The following LRMDA variants were observed in gnomAD, a reference collection of about 807,000 sequenced individuals.
LRMDA encodes leucine-rich melanocyte differentiation-associated protein.
A neutral mutation model predicts 29.8 loss-of-function variants in LRMDA; 18 were observed. The observed-to-expected ratio is 0.60, with a 90% CI of 0.42 to 0.90. The LOEUF (loss-of-function observed/expected upper bound fraction) is 0.90. LRMDA is among the 40% of genes least tolerant of loss of function. The probability of loss-of-function intolerance (pLI) is 0.00; values close to 1 mark genes in which losing one functional copy is unlikely to be tolerated. For missense variants in LRMDA, 273 were observed against 273.9 expected (o/e 1.00, Z 0.02); for synonymous variants, 125 against 109.4 (o/e 1.14, Z -0.89).
chr10:76,363,882 A>C (rs945121316), intron 6 of LRMDA, among the ~76,000 whole-genome samples: 2 of 152,160 alleles, frequency 1.3e-5, no homozygotes, highest in Admixed American at 1.3e-4. Context: ...GCAAGCAATC[A>C]CTGGAACATA....
chr10:75,635,570 A>G (rs1275825932), intron 2 of LRMDA, among the ~76,000 whole-genome samples: 2 of 152,170 alleles, frequency 1.3e-5, no homozygotes, highest in Admixed American at 6.5e-5. Flanking sequence ...GGCCACAACC[A>G]TCACCCACAA....
chr10:75,694,643 C>T (rs1416171117), intron 2 of LRMDA, among the ~76,000 whole-genome samples: 1 of 152,250 alleles, frequency 6.6e-6, no homozygotes, highest in Non-Finnish European at 1.5e-5. Flanking sequence ...CACACAGGGA[C>T]ATTTTATTCA....
chr10:76,545,640 TA>T (rs1363488899), intron 6 of LRMDA, among the ~76,000 whole-genome samples: 244 of 59,260 alleles, frequency 4.1e-3, no homozygotes, highest in African/African-American at 0.016. Flanking sequence ...AACAACCTTT[TA>T]TTATTATTAT....
At chr10:75,613,457 C>T (rs1448939541) in intron 2 of LRMDA, among the ~76,000 whole-genome samples, 1 of 152,104 alleles carries the variant, frequency 6.6e-6, no homozygotes, top group Non-Finnish European at 1.5e-5. Flanking sequence ...ATGGATCAGA[C>T]AGTATCTCTA....
intron 6 of LRMDA, among the ~76,000 whole-genome samples, chr10:76,354,530 A>G (rs1292029029): frequency 6.6e-6 from 1 of 152,182 alleles, no homozygotes; most frequent in African/African-American, 2.4e-5. Flanking sequence ...CCATTGCTGA[A>G]ATACAATCTT....
intron 5 of LRMDA, among the ~76,000 whole-genome samples, chr10:76,299,403 C>CT (rs560525869): frequency 4.9e-4 from 74 of 152,282 alleles, no homozygotes; most frequent in African/African-American, 1.7e-3. Context: ...ACACCACTGT[C>CT]TTCCAGTTAA....
intron 4 of LRMDA, among the ~76,000 whole-genome samples, chr10:76,058,405 G>A (rs576503096): frequency 6.6e-5 from 10 of 152,370 alleles, no homozygotes; most frequent in Admixed American, 5.2e-4. Context: ...ACCCACGTGT[G>A]TGTGTGTGTG....
At chr10:75,494,892 G>A (rs1435105910) in intron 2 of LRMDA, among the ~76,000 whole-genome samples, 1 of 152,322 alleles carries the variant, frequency 6.6e-6, no homozygotes, top group African/African-American at 2.4e-5. Context: ...TGTCTCTAGG[G>A]TATGGGATCT....
intron 2 of LRMDA, among the ~76,000 whole-genome samples, chr10:75,473,705 G>A (rs1844754265): frequency 6.6e-6 from 1 of 152,220 alleles, no homozygotes; most frequent in African/African-American, 2.4e-5. Context: ...TGGTTGTGAG[G>A]ATTAAATGAG....
intron 5 of LRMDA, among the ~76,000 whole-genome samples, chr10:76,075,747 G>T (rs1043560806): frequency 3.3e-5 from 5 of 152,130 alleles, no homozygotes; most frequent in Admixed American, 6.5e-5. Context: ...TCTCCCTATG[G>T]TTTTGTGACC....
At chr10:75,682,533 A>T (rs1308525719) in intron 2 of LRMDA, among the ~76,000 whole-genome samples, 1 of 152,152 alleles carries the variant, frequency 6.6e-6, no homozygotes, top group Non-Finnish European at 1.5e-5. Context: ...TGTAGACACT[A>T]TATTATGTAT....
chr10:76,395,840 G>A (rs529931333), intron 6 of LRMDA, among the ~76,000 whole-genome samples: 51 of 152,346 alleles, frequency 3.3e-4, no homozygotes, highest in African/African-American at 1.2e-3. Context: ...CTAAAACAGT[G>A]TGAAAACACG....
At chr10:76,039,043 A>G (rs1267295264) in intron 3 of LRMDA, among the ~76,000 whole-genome samples, 3 of 152,172 alleles carry the variant, frequency 2.0e-5, no homozygotes, top group Admixed American at 6.5e-5. Context: ...AGGCTAGCAT[A>G]AGACACTTCA....
intron 2 of LRMDA, among the ~76,000 whole-genome samples, chr10:75,944,994 A>G (rs1226511671): frequency 4.6e-5 from 7 of 152,140 alleles, no homozygotes; most frequent in Admixed American, 2.0e-4. Context: ...TGGCTTTTAA[A>G]AAAAACTCTT....
At chr10:75,739,021 A>G (rs979594418) in intron 2 of LRMDA, among the ~76,000 whole-genome samples, 3 of 152,132 alleles carry the variant, frequency 2.0e-5, no homozygotes, top group African/African-American at 7.2e-5. Flanking sequence ...CCACTCACAC[A>G]CTGACCGTTA....
chr10:75,777,014 C>T (rs926641270), intron 2 of LRMDA, among the ~76,000 whole-genome samples: 21 of 152,190 alleles, frequency 1.4e-4, no homozygotes, highest in East Asian at 5.8e-4. Context: ...GCTGCAGAGC[C>T]GGGGAGGGAA....
At chr10:76,072,275 G>C (rs1045398907) in intron 5 of LRMDA, among the ~76,000 whole-genome samples, 2 of 152,082 alleles carry the variant, frequency 1.3e-5, no homozygotes, top group Admixed American at 6.5e-5. Flanking sequence ...AGAGATTTGG[G>C]CTCTAATCCC....
chr10:76,225,131 G>C (rs112744168), intron 5 of LRMDA, among the ~76,000 whole-genome samples: 4 of 152,180 alleles, frequency 2.6e-5, no homozygotes, highest in African/African-American at 9.6e-5. Flanking sequence ...CCCAGGCCGG[G>C]CACAGTGGAT....
intron 4 of LRMDA, among the ~76,000 whole-genome samples, chr10:76,053,247 G>A (rs1320146228): frequency 1.3e-5 from 2 of 152,120 alleles, no homozygotes; most frequent in Admixed American, 6.5e-5. Context: ...TCAATAGCTC[G>A]TGGAAGCTGA....
Sources: gnomAD v4.1 joint callset for allele counts (sites outside exome capture counted in the v4.1 genomes callset) on GRCh38, gnomAD v4.1.1 for gene constraint, MANE v1.5 for transcripts, NCBI Gene and HGNC (gene_info 2026-07-23, HGNC 2026-07-21) for gene names.